RBM34: variants seen among roughly 807,000 people sequenced by gnomAD.
RBM34 encodes the protein RNA-binding protein 34.
Under a neutral mutation model 44.6 loss-of-function variants are expected in RBM34, and 39 were observed. That is an observed-to-expected ratio of 0.87 (90% confidence interval 0.68 to 1.14). RBM34 has a LOEUF of 1.14. RBM34 is among the 50% of genes most tolerant of loss of function. The probability of loss-of-function intolerance (pLI) is 0.00; values close to 1 mark genes in which losing one functional copy is unlikely to be tolerated. For missense variants in RBM34, 572 were observed against 517.9 expected (o/e 1.10, Z -1.01); for synonymous variants, 194 against 184.0 (o/e 1.05, Z -0.44).
At chr1:235,150,607 T>C (rs899412103) in intron 5 of RBM34, among the ~76,000 whole-genome samples, 3 of 151,984 alleles carry the variant, frequency 2.0e-5, no homozygotes, top group Non-Finnish European at 4.4e-5. Context: ...AACCCACGTG[T>C]AGAGGAACAC....
At chr1:235,148,310 A>T (rs1003702589) in intron 6 of RBM34, 94 bp downstream of exon 6, 5 of 912,126 alleles carry the variant, frequency 5.5e-6, no homozygotes, top group South Asian at 1.9e-5. Context: ...AAATATATTA[A>T]TAAAATCTAT....
chr1:235,160,866 A>T (rs1436515043), intron 2 of RBM34, 27 bp downstream of exon 2: 1 of 1,610,876 alleles, frequency 6.2e-7, no homozygotes. Context: ...CTAACGAGCT[A>T]TTCGGGAAGA....
chr1:235,137,799 C>T, intron 8 of RBM34, 78 bp downstream of exon 8: 1 of 1,119,826 alleles, frequency 8.9e-7, no homozygotes, highest in South Asian at 1.5e-5. Flanking sequence ...GATTCCAGTC[C>T]CCTTCCAGGA....
intron 6 of RBM34, among the ~76,000 whole-genome samples, chr1:235,145,755 C>T (rs1275373124): frequency 6.6e-6 from 1 of 152,064 alleles, no homozygotes; most frequent in Non-Finnish European, 1.5e-5. Flanking sequence ...TACAAAATTA[C>T]CTAAGTACAA....
chr1:235,157,286 C>A (rs1662490774), intron 3 of RBM34, among the ~76,000 whole-genome samples: 1 of 152,072 alleles, frequency 6.6e-6, no homozygotes, highest in South Asian at 2.1e-4. Context: ...CTGACCAGAG[C>A]AGGGAAGGAG....
intron 3 of RBM34, among the ~76,000 whole-genome samples, chr1:235,157,401 C>T (rs1260659551): frequency 2.0e-5 from 3 of 152,252 alleles, no homozygotes; most frequent in African/African-American, 2.4e-5. Flanking sequence ...GGATGACTCT[C>T]GGGCCACTAA....
intron 3 of RBM34, among the ~76,000 whole-genome samples, chr1:235,155,492 C>T (rs1387798906): frequency 6.8e-6 from 1 of 147,704 alleles, no homozygotes; most frequent in Non-Finnish European, 1.5e-5. Context: ...CAGGCGCATG[C>T]CCCCACACGT....
chr1:235,131,733 T>G lies in RBM34; in HGVS notation c.1273A>C (p.Lys425Gln). Residue 425 changes from lysine to glutamine, a missense_variant, in exon 11 of 11, where the codon AAA (lysine) becomes CAA (glutamine). Physicochemically the swap from Lys to Gln is moderately conservative, Grantham distance 53. Coordinates refer to ENST00000408888, the MANE Select transcript of RBM34 (RefSeq NM_015014.4). ...GGTTGTTATTTCTGTTTTCTCTGTT[T>G]CTTAGGGCGTCCACTTTTCTTCTGT... ...KGQKKSGRPKKQRKQK is the reference protein window; with the variant it reads ...KGQKKSGRPKQQRKQK 1 of 1,600,376 alleles carries G rather than the reference T, an allele frequency of 6.2e-7. No homozygotes were observed. The highest frequency in any genetic ancestry group is 8.5e-7 in the Non-Finnish European group (1 of 1,175,420).
Position 235,159,055 on chromosome 1 carries a change from A to T in RBM34, c.365+1456T>A, listed in dbSNP as rs201336591. Among the ~76,000 whole-genome samples, 17 of 151,992 alleles carry T rather than the reference A, an allele frequency of 1.1e-4. No homozygotes were observed. The East Asian group carries it at 1.7e-3, about 16-fold the overall frequency. ...TGGCAAAATCCCGTCTCTACAAAACATACAAAAATTAGCTGGGCATGGTGG... is the reference window on the plus strand; with the variant it reads ...TGGCAAAATCCCGTCTCTACAAAACTTACAAAAATTAGCTGGGCATGGTGG... On this transcript the variant is annotated intron_variant, in intron 3 of 10. Transcript: ENST00000408888.
At chr1:235,152,368 C>T (rs891274976) in intron 5 of RBM34, 1 of 577,882 alleles carries the variant, frequency 1.7e-6, no homozygotes, top group Non-Finnish European at 2.2e-6. Flanking sequence ...TATGATGGGA[C>T]ATAGGAAGAG....
chr1:235,149,899 G>A (rs1382114387), intron 5 of RBM34, among the ~76,000 whole-genome samples: 16 of 152,054 alleles, frequency 1.1e-4, no homozygotes, highest in Admixed American at 7.9e-4. Context: ...TATTTCTTCT[G>A]TTTGCAGTTT....
At position 235,134,195 on chromosome 1, in the gene RBM34, G is replaced by A. The variant is rs1269122773; in HGVS notation, c.1008+1457C>T. On this transcript the variant is annotated intron_variant, in intron 10 of 10. Coordinates refer to ENST00000408888, the MANE Select transcript of RBM34 (RefSeq NM_015014.4). ...GCACCACCACGCCCAGCTGATTTTT[G>A]TATTTTTTTGTAGAGGCGGGATTTC... Among the ~76,000 whole-genome samples the A allele has an allele frequency of 3.3e-5, 5 of 152,054 alleles. No homozygotes were observed. The East Asian group carries it at 9.6e-4, about 29-fold the overall frequency.
chr1:235,160,698 G>A, intron 2 of RBM34, 51 bp from the exon 3 acceptor site: 1 of 1,581,118 alleles, frequency 6.3e-7, no homozygotes, highest in Non-Finnish European at 8.6e-7. Flanking sequence ...CTAGAATTCT[G>A]ACCCTAAGCC....
chr1:235,154,843 T>A, intron 4 of RBM34, 38 bp downstream of exon 4: 1 of 1,509,596 alleles, frequency 6.6e-7, no homozygotes. Context: ...AGAACAAAGT[T>A]ATTAACTTCT....
At chr1:235,160,121 AC>A in intron 3 of RBM34, 1 of 334,796 alleles carries the variant, frequency 3.0e-6, no homozygotes, top group South Asian at 2.5e-5. Context: ...GGGCATGGTG[AC>A]GCAGGCCTGT....
intron 6 of RBM34, among the ~76,000 whole-genome samples, chr1:235,143,605 G>C (rs942210844): frequency 6.6e-6 from 1 of 152,176 alleles, no homozygotes; most frequent in African/African-American, 2.4e-5. Flanking sequence ...GGGCATGGTG[G>C]TATGTGTCTG....
rs2102871735 is a variant in RBM34 at position 235,161,191 on chromosome 1, CT to C, written c.35del (p.Lys12ArgfsTer95). The C allele has an allele frequency of 6.2e-7, 1 of 1,608,950 alleles. No individual in the cohort carries two copies. Among genetic ancestry groups the C allele is most frequent in the African/African-American group, 1.3e-5 (1 of 74,944 alleles). Reference sequence around the variant, plus strand: ...CCACTCACCCCTCCTGGACACTTCTCTTTCTCTTCCGTTTGCTCATCCCTTC... The same window carrying C: ...CCACTCACCCCTCCTGGACACTTCTCTTCTCTTCCGTTTGCTCATCCCTTC... ...ALEGMSKRKR[K>X]RSVQEGENPD... On this transcript the variant is annotated frameshift_variant, in exon 1 of 11. Transcript: ENST00000408888. LOFTEE classifies it high-confidence loss of function.
chr1:235,159,013 G>A (rs1002668644), intron 3 of RBM34, among the ~76,000 whole-genome samples: 5 of 150,474 alleles, frequency 3.3e-5, no homozygotes, highest in South Asian at 4.2e-4. Flanking sequence ...AGCAGTTTGC[G>A]ACCAGCCTGG....
chr1:235,137,747 G>A (rs1661485202), intron 8 of RBM34, 130 bp downstream of exon 8: 1 of 644,630 alleles, frequency 1.6e-6, no homozygotes, highest in African/African-American at 1.8e-5. Context: ...TGTAACCACA[G>A]AGGACATAGG....
Sources: allele counts gnomAD v4.1 joint callset (sites outside exome capture counted in the v4.1 genomes callset), GRCh38; gene constraint gnomAD v4.1.1; transcripts MANE v1.5; gene names NCBI Gene and HGNC (gene_info 2026-07-23, HGNC 2026-07-21).